HOXD3: variants seen among roughly 807,000 people sequenced by gnomAD.
HOXD3 encodes the protein homeobox protein Hox-D3.
Under a neutral mutation model 32.8 loss-of-function variants are expected in HOXD3, and 13 were observed. The observed-to-expected ratio is 0.40, with a 90% CI of 0.26 to 0.63. HOXD3 has a LOEUF of 0.63. HOXD3 is among the 20% of genes least tolerant of loss of function. HOXD3 has a pLI of 0.44. For missense variants in HOXD3, 504 were observed against 577.1 expected, an observed-to-expected ratio of 0.87 and a Z score of 1.30; for synonymous variants, 241 against 246.8, an observed-to-expected ratio of 0.98 and a Z score of 0.22.
chr2:176,161,335 G>A (rs1690796969), intron 1 of HOXD3, among the ~76,000 whole-genome samples: 1 of 152,178 alleles, frequency 6.6e-6, no homozygotes, highest in South Asian at 2.1e-4. Flanking sequence ...AGGCTTGGAG[G>A]GTGGCCGGCA....
chr2:176,163,888 G>C (rs545644289), intron 1 of HOXD3, among the ~76,000 whole-genome samples, 185 bp from the exon 2 acceptor site: 1 of 152,254 alleles, frequency 6.6e-6, no homozygotes, highest in East Asian at 1.9e-4. Flanking sequence ...CGTTAAAGGG[G>C]CCCTCGCTCC....
intron 3 of HOXD3, among the ~76,000 whole-genome samples, chr2:176,171,303 T>A (rs1691169219): frequency 6.6e-6 from 1 of 152,116 alleles, no homozygotes; most frequent in African/African-American, 2.4e-5. Flanking sequence ...TGATGGAGGT[T>A]TCAGGTGCGA....
chr2:176,157,029 G>C (rs1412650332), upstream of HOXD3, among the ~76,000 whole-genome samples: 2 of 152,136 alleles, frequency 1.3e-5, no homozygotes, highest in Non-Finnish European at 2.9e-5. Flanking sequence ...GCAGGGATGA[G>C]GAGGAAGCGA....
At chr2:176,158,254 G>A (rs1479547195) in intron 1 of HOXD3, among the ~76,000 whole-genome samples, 2 of 152,212 alleles carry the variant, frequency 1.3e-5, no homozygotes, top group Non-Finnish European at 2.9e-5. Context: ...GGAAGCCTGG[G>A]GAAAGGAGGA....
chr2:176,172,114 C>A lies in HOXD3; in HGVS notation c.1139C>A (p.Ser380Ter). ...CCTGTCTTCAACCTGGGCCACCTCTCGCACCCGTCGTCGGCCAGCGTGGAC... is the reference window on the plus strand; with the variant it reads ...CCTGTCTTCAACCTGGGCCACCTCTAGCACCCGTCGTCGGCCAGCGTGGAC... ...SGPVFNLGHL[S>*]HPSSASVDYS... Residue 380 changes from serine (S) to a stop codon, truncating the protein, a stop_gained, in exon 4 of 4, where the codon TCG (serine) becomes TAG (stop). Transcript: ENST00000683222. LOFTEE classifies it high-confidence loss of function. The A allele has an allele frequency of 6.2e-7, 1 of 1,612,922 alleles. No homozygotes were observed.
upstream of HOXD3, among the ~76,000 whole-genome samples, chr2:176,157,097 GCGCTTCC>G (rs1690661608): frequency 6.6e-6 from 1 of 152,110 alleles, no homozygotes; most frequent in African/African-American, 2.4e-5. Flanking sequence ...TCGGCGGACG[GCGCTTCC>G]CGCCCGCCTG....
chr2:176,157,404 C>T lies in HOXD3; in HGVS notation c.-229C>T, dbSNP rs1159786433. ...CCGTCCAGGGGGGCCGCGCGGTGCC[C>T]CCGGCCCTCCACCCCCGGCCCCCGG... On this transcript the variant is annotated 5_prime_UTR_variant, in exon 1 of 4. Transcript: ENST00000683222. 6.6e-6 allele frequency among the ~76,000 whole-genome samples: 1 copy of T among 152,102 alleles called. No individual in the cohort carries two copies. Among genetic ancestry groups the T allele is most frequent in the Non-Finnish European group, 1.5e-5 (1 of 68,002 alleles).
At chr2:176,152,903 G>C (rs754775055), upstream of HOXD3, 1 of 1,614,052 alleles carries the variant, frequency 6.2e-7, no homozygotes, top group Admixed American at 1.7e-5. The surrounding 1 kb of genome is among the most constrained non-coding windows in gnomAD (Gnocchi z 5.2). Context: ...ATTTACAGCC[G>C]ATGGCCAAAG....
chr2:176,157,750 A>T (rs1690679081), intron 1 of HOXD3, among the ~76,000 whole-genome samples: 1 of 152,120 alleles, frequency 6.6e-6, no homozygotes, highest in Admixed American at 6.5e-5. Flanking sequence ...GCGAGGCGCT[A>T]GGGTGCCAGG....
intron 1 of HOXD3, among the ~76,000 whole-genome samples, chr2:176,158,485 C>G (rs1328763783): frequency 6.6e-6 from 1 of 152,196 alleles, no homozygotes; most frequent in Non-Finnish European, 1.5e-5. Context: ...TCGCCTCCTT[C>G]CCTCTTGTTG....
chr2:176,163,771 G>A (rs1295956778), intron 1 of HOXD3, among the ~76,000 whole-genome samples: 1 of 152,134 alleles, frequency 6.6e-6, no homozygotes, highest in African/African-American at 2.4e-5. Flanking sequence ...GTAGGGGCAG[G>A]AGGAGAGCAG....
In HOXD3 at chr2:176,172,158, A is replaced by G. The variant is rs1406085117; in HGVS notation, c.1183A>G (p.Ile395Val). ...CGTGGACTACAGTTGCGCCGCGCAG[A>G]TTCCAGGCAACCACCACCATGGACC... Reference protein sequence around the residue: ...ASVDYSCAAQIPGNHHHGPCD... With the variant: ...ASVDYSCAAQVPGNHHHGPCD... The change falls in exon 4 of 4, where the codon ATT (isoleucine) becomes GTT (valine). Residue 395 changes from isoleucine (I) to valine (V), a missense_variant. By Grantham distance (29) the Ile-to-Val change is conservative. This residue lies in a region of HOXD3 where 226 missense variants were observed against 246.9 expected (regional missense o/e 0.92). Coordinates refer to ENST00000683222, the MANE Select transcript of HOXD3 (RefSeq NM_006898.5). 9.3e-6 allele frequency: 15 copies of G among 1,613,088 alleles called. No individual in the cohort carries two copies. Among genetic ancestry groups the G allele is most frequent in the Middle Eastern group, 1.6e-4 (1 of 6,082 alleles).
Position 176,173,040 on chromosome 2 carries a change from G to A in HOXD3, c.*766G>A, listed in dbSNP as rs1691254178. 6.6e-6 allele frequency: 1 copy of A among 152,546 alleles called. No homozygotes were observed. Among genetic ancestry groups the A allele is most frequent in the Admixed American group, 6.5e-5 (1 of 15,272 alleles). 9.4% of individuals were successfully genotyped at this position (152,546 alleles called of 1,614,324 possible). A position where few individuals can be genotyped will look rare whatever the true frequency, so the allele number is the denominator to read the frequency against. On this transcript the variant is annotated 3_prime_UTR_variant, in exon 4 of 4. Transcript: ENST00000683222. Reference sequence around the variant, plus strand: ...ACCACAGTCCTCACCACAGTTTATTGATTTCAAATTGTCTGGTACTATTGG... The same window carrying A: ...ACCACAGTCCTCACCACAGTTTATTAATTTCAAATTGTCTGGTACTATTGG...
chr2:176,152,673 C>T, upstream of HOXD3: 1 of 1,614,188 alleles, frequency 6.2e-7, no homozygotes, highest in Non-Finnish European at 8.5e-7. The surrounding 1 kb of genome is among the most constrained non-coding windows in gnomAD (Gnocchi z 5.2). Context: ...GCAGCAAGTC[C>T]TAGAACTGGA....
chr2:176,168,537 A>T (rs181524854), intron 2 of HOXD3, among the ~76,000 whole-genome samples: 4 of 150,502 alleles, frequency 2.7e-5, no homozygotes, highest in Non-Finnish European at 5.9e-5. Context: ...ACTGCACTCC[A>T]GCCTTGGCAA....
At chr2:176,169,010 C>T in intron 2 of HOXD3, 21 bp from the exon 3 acceptor site, 1 of 1,478,570 alleles carries the variant, frequency 6.8e-7, no homozygotes, top group Non-Finnish European at 9.0e-7. Context: ...CCTCTGGGGC[C>T]TCTTGCTTTT....
chr2:176,154,933 A>G (rs1690614431), upstream of HOXD3, among the ~76,000 whole-genome samples: 1 of 152,242 alleles, frequency 6.6e-6, no homozygotes, highest in African/African-American at 2.4e-5. Context: ...TGAGAAGCTG[A>G]AAAGGTATTT....
At position 176,171,825 on chromosome 2, in the gene HOXD3, G is replaced by A. The variant is rs757008603; in HGVS notation, c.850G>A (p.Gly284Ser). 5.6e-6 allele frequency: 9 copies of A among 1,608,812 alleles called. No individual in the cohort carries two copies. The South Asian group carries it at 8.8e-5, about 16-fold the overall frequency. ...CGCCGCTGGCCACGTGGCCTACTCC[G>A]GCCAGCTGCCGCCAGTGCCCGGCCT... The part of the protein sequence containing the change: ...GGAAGHVAYS[G>S]QLPPVPGLAY... Residue 284 changes from glycine to serine, a missense_variant, in exon 4 of 4, where the codon GGC becomes AGC. Coordinates refer to ENST00000683222, the MANE Select transcript of HOXD3 (RefSeq NM_006898.5).
At chr2:176,167,676 GGGGGAGACCC>G (rs1279733258) in intron 2 of HOXD3, among the ~76,000 whole-genome samples, 2 of 141,008 alleles carry the variant, frequency 1.4e-5, no homozygotes, top group African/African-American at 5.3e-5. Context: ...AAACCAGGTG[GGGGGAGACCC>G]TTTTTTTTTT....
Sources: gnomAD v4.1 joint callset for allele counts (sites outside exome capture counted in the v4.1 genomes callset) on GRCh38, gnomAD v4.1.1 for gene constraint, gnomAD v4.1.1 regional missense constraint, Gnocchi (gnomAD v3.1) non-coding constraint, MANE v1.5 for transcripts, NCBI Gene and HGNC (gene_info 2026-07-23, HGNC 2026-07-21) for gene names.